The following PLPP1 variants were observed in gnomAD, a reference collection of about 807,000 sequenced individuals.
PLPP1 encodes lipid phosphate phosphohydrolase 1a.
In PLPP1, 24 loss-of-function variants were observed where a neutral mutation model predicts 31.2. The ratio of observed to expected loss-of-function variants is 0.77; its 90% confidence interval spans 0.56 to 1.08. PLPP1 has a LOEUF of 1.08. Among genes scored for constraint, PLPP1 ranks in the 50% least tolerant of loss-of-function variants. PLPP1 has a pLI of 0.00. For missense variants in PLPP1, 319 were observed against 342.7 expected (o/e 0.93, Z 0.55); for synonymous variants, 146 against 126.3 (o/e 1.16, Z -1.05).
Position 55,425,939 on chromosome 5 carries a change from C to T in PLPP1, c.650G>A (p.Arg217Gln), listed in dbSNP as rs768645286. The change falls in exon 5 of 6, where the codon CGA (arginine) becomes CAA (glutamine). Residue 217 changes from arginine (R) to glutamine (Q), a missense_variant. Arg to Gln is a conservative substitution (Grantham distance 43). Transcript: ENST00000307259. ...CCAGTGGTGTTTATAATCAGAAACT[C>T]GAGAAAGGCCCACATAAATGGATAC... ...VAVSIYVGLS[R>Q]VSDYKHHWSD... 5 of 1,613,820 alleles carry T rather than the reference C, an allele frequency of 3.1e-6. No individual in the cohort carries two copies. Among genetic ancestry groups the T allele is most frequent in the Non-Finnish European group, 3.4e-6 (4 of 1,179,942 alleles).
At chr5:55,445,425 C>T (rs914134177) in intron 3 of PLPP1, among the ~76,000 whole-genome samples, 44 of 152,094 alleles carry the variant, frequency 2.9e-4, no homozygotes, top group African/African-American at 1.0e-3. Flanking sequence ...GATCTCTTCC[C>T]ACCACCTGAC....
chr5:55,441,801 T>C (rs1306217440), intron 4 of PLPP1, 50 bp downstream of exon 4: 1 of 1,559,722 alleles, frequency 6.4e-7, no homozygotes, highest in South Asian at 1.1e-5. Context: ...CTGAGCACAT[T>C]AATTCCATGC....
intron 1 of PLPP1, among the ~76,000 whole-genome samples, chr5:55,521,975 CA>C (rs2111938491): frequency 6.6e-6 from 1 of 152,302 alleles, no homozygotes; most frequent in South Asian, 2.1e-4. Context: ...GCAAATGAAC[CA>C]AAAGGCAAGG....
intron 4 of PLPP1, among the ~76,000 whole-genome samples, chr5:55,432,956 T>A (rs1751394659): frequency 6.6e-6 from 1 of 152,026 alleles, no homozygotes; most frequent in South Asian, 2.1e-4. Flanking sequence ...GATGCCTACT[T>A]TGACCCCTCC....
At chr5:55,491,599 T>C (rs1752888211) in intron 1 of PLPP1, among the ~76,000 whole-genome samples, 1 of 152,154 alleles carries the variant, frequency 6.6e-6, no homozygotes, top group African/African-American at 2.4e-5. Context: ...GGCTCATGCC[T>C]GTAATCCCAG....
intron 1 of PLPP1, among the ~76,000 whole-genome samples, chr5:55,524,361 T>C (rs1029745045): frequency 5.3e-5 from 8 of 152,316 alleles, no homozygotes; most frequent in East Asian, 3.9e-4. Context: ...ATGCAGCCTG[T>C]GGGCCATGGG....
chr5:55,523,989 T>C (rs1207947669), intron 1 of PLPP1, among the ~76,000 whole-genome samples: 1 of 152,240 alleles, frequency 6.6e-6, no homozygotes, highest in Non-Finnish European at 1.5e-5. Flanking sequence ...GGAGAGCTGA[T>C]CTTTTTTGCA....
Position 55,534,788 on chromosome 5 carries a change from G to T in PLPP1, c.-159C>A, listed in dbSNP as rs1740827101. On this transcript the variant is annotated 5_prime_UTR_variant, in exon 1 of 6. Transcript: ENST00000307259. ...GCAGCCGAGGGCGGGCTGAGACCGG[G>T]CGGCGCTCCCACCGCCAGCAATGGC... 1 of 721,646 alleles carries T rather than the reference G, an allele frequency of 1.4e-6. No homozygotes were observed. Among genetic ancestry groups the T allele is most frequent in the East Asian group, 3.4e-5 (1 of 29,740 alleles). 44.7% of individuals were successfully genotyped at this position (721,646 alleles called of 1,614,324 possible).
In PLPP1 at chr5:55,511,650, G is replaced by GTTTTTTT. The variant is rs1158182340; in HGVS notation, c.58+22915_58+22921dup. The stretch of plus-strand genomic sequence containing the variant: ...ACTTTAGCGATTTAACACGTGTTGA[G>GTTTTTTT]TTTTTTTTTTTTTTTTTTTTTTTTT... On this transcript the variant is annotated intron_variant, in intron 1 of 5. Transcript: ENST00000307259. Among the ~76,000 whole-genome samples the GTTTTTTT allele has an allele frequency of 6.2e-4, 32 of 51,496 alleles. 8 individuals carry two copies. The highest frequency in any genetic ancestry group is 2.2e-3 in the African/African-American group (24 of 11,160). 33.8% of individuals were successfully genotyped at this position (51,496 alleles called of 152,430 possible).
chr5:55,456,282 G>A (rs186691812), intron 3 of PLPP1, among the ~76,000 whole-genome samples: 12 of 152,292 alleles, frequency 7.9e-5, no homozygotes, highest in African/African-American at 1.9e-4. Flanking sequence ...CAGACAGAGC[G>A]CAAAAGTGTG....
intron 1 of PLPP1, among the ~76,000 whole-genome samples, chr5:55,522,502 T>C (rs1289667693): frequency 2.6e-5 from 4 of 152,180 alleles, no homozygotes; most frequent in Non-Finnish European, 5.9e-5. Context: ...CCTCAAGCAA[T>C]CCTCCTGCCT....
chr5:55,467,543 T>TAAAAAAA (rs3990254), intron 3 of PLPP1, among the ~76,000 whole-genome samples: 3 of 147,150 alleles, frequency 2.0e-5, no homozygotes, highest in Non-Finnish European at 3.0e-5. Context: ...TATAAAAATG[T>TAAAAAAA]AAAAAAAATT....
At position 55,534,649 on chromosome 5, in the gene PLPP1, C is replaced by A; in HGVS notation, c.-20G>T. 6.5e-7 allele frequency: 1 copy of A among 1,538,360 alleles called. No individual in the cohort carries two copies. The highest frequency in any genetic ancestry group is 2.6e-5 in the East Asian group (1 of 38,938). ...AAACATGGTCTCTGCCCGGGCTGCCCGGCAAGGGCGATGGACTGAGCTGCG... is the reference window on the plus strand; with the variant it reads ...AAACATGGTCTCTGCCCGGGCTGCCAGGCAAGGGCGATGGACTGAGCTGCG... On this transcript the variant is annotated 5_prime_UTR_variant, in exon 1 of 6. Transcript: ENST00000307259.
chr5:55,534,488 A>G, intron 1 of PLPP1, 84 bp downstream of exon 1: 13 of 1,372,164 alleles, frequency 9.5e-6, no homozygotes, highest in Non-Finnish European at 1.3e-5. Flanking sequence ...CAGGCAACAC[A>G]CCCCCGCTGC....
At chr5:55,499,847 AAAG>A (rs1279693954) in intron 1 of PLPP1, among the ~76,000 whole-genome samples, 1 of 151,916 alleles carries the variant, frequency 6.6e-6, no homozygotes, top group East Asian at 1.9e-4. Flanking sequence ...GAATACCATA[AAAG>A]AATATATATT....
chr5:55,426,706 C>G (rs1176691876), intron 4 of PLPP1, among the ~76,000 whole-genome samples: 1 of 152,126 alleles, frequency 6.6e-6, no homozygotes, highest in Non-Finnish European at 1.5e-5. Context: ...CCATGCCTGA[C>G]CCAGTATCGT....
chr5:55,430,196 C>T (rs548630257), intron 4 of PLPP1, among the ~76,000 whole-genome samples: 1 of 152,310 alleles, frequency 6.6e-6, no homozygotes, highest in African/African-American at 2.4e-5. Flanking sequence ...ACTGCCCGCA[C>T]CACACCTGCT....
At chr5:55,455,938 T>C (rs1751995812) in intron 3 of PLPP1, among the ~76,000 whole-genome samples, 1 of 152,200 alleles carries the variant, frequency 6.6e-6, no homozygotes, top group Non-Finnish European at 1.5e-5. Context: ...TTAAGGGCCA[T>C]GGATCTAAAG....
At chr5:55,425,787 T>C (rs113172037) in intron 5 of PLPP1, 76 bp downstream of exon 5, 3 of 1,248,832 alleles carry the variant, frequency 2.4e-6, no homozygotes, top group Non-Finnish European at 3.1e-6. Flanking sequence ...TGGGGATTTT[T>C]TGGATTTTTT....
Sources: allele counts gnomAD v4.1 joint callset (sites outside exome capture counted in the v4.1 genomes callset), GRCh38; gene constraint gnomAD v4.1.1; transcripts MANE v1.5; gene names NCBI Gene and HGNC (gene_info 2026-07-23, HGNC 2026-07-21).